KIAA1217: variants seen among roughly 807,000 people sequenced by gnomAD.
KIAA1217 encodes KIAA1217, also known as sickle tail protein homolog.
In KIAA1217, 88 loss-of-function variants were observed where a neutral mutation model predicts 163.9. That is an observed-to-expected ratio of 0.54 (90% CI 0.45 to 0.64). The LOEUF is 0.64. Ranked by LOEUF, KIAA1217 falls within the 30% of genes least tolerant of loss-of-function variation. The probability of loss-of-function intolerance (pLI) is 0.00; values close to 1 mark genes in which losing one functional copy is unlikely to be tolerated. For synonymous variants in KIAA1217, 903 were observed against 923.1 expected (o/e 0.98, Z 0.39); for missense variants, 2,372 against 2,475.0 (o/e 0.96, Z 0.88).
chr10:23,838,345 A>G (rs1054285437), intron 1 of KIAA1217, among the ~76,000 whole-genome samples: 1 of 152,248 alleles, frequency 6.6e-6, no homozygotes, highest in Non-Finnish European at 1.5e-5. Flanking sequence ...ATTTTGTTGT[A>G]AACATCCCAA....
At position 23,911,815 on chromosome 10, in the gene KIAA1217, G is replaced by A. The variant is rs1842441844; in HGVS notation, c.-320-95410G>A. Reference sequence around the variant, plus strand: ...TTCCTTCTGTATGGAGCGGTGCTTTGCAATCAGTAGGCAGGTGAGATGAGA... The same window carrying A: ...TTCCTTCTGTATGGAGCGGTGCTTTACAATCAGTAGGCAGGTGAGATGAGA... On this transcript the variant is annotated intron_variant, in intron 1 of 18. Coordinates refer to the KIAA1217 transcript ENST00000376462. Among the ~76,000 whole-genome samples the A allele has an allele frequency of 2.6e-5, 4 of 152,238 alleles. 1 individual carries two copies. The South Asian group carries it at 8.3e-4, about 32-fold the overall frequency.
chr10:24,359,635 T>C (rs757529705), intron 2 of KIAA1217, among the ~76,000 whole-genome samples: 1 of 152,204 alleles, frequency 6.6e-6, no homozygotes, highest in Non-Finnish European at 1.5e-5. Context: ...TCTTTCTCTT[T>C]CCAGAAATTA....
intron 1 of KIAA1217, among the ~76,000 whole-genome samples, chr10:23,981,634 T>C (rs7083349): frequency 0.15 from 22,968 of 152,186 alleles, 2,390 homozygotes; most frequent in East Asian, 0.46. Context: ...GAGCTTGTTA[T>C]TCAGCCTGGA....
At chr10:24,038,068 G>T (rs1848473160) in intron 2 of KIAA1217, among the ~76,000 whole-genome samples, 1 of 152,110 alleles carries the variant, frequency 6.6e-6, no homozygotes, top group African/African-American at 2.4e-5. Flanking sequence ...TTTTGTAAGG[G>T]TTTTTTGTTG....
chr10:24,395,865 A>T (rs1238896461), intron 3 of KIAA1217, among the ~76,000 whole-genome samples: 1 of 152,094 alleles, frequency 6.6e-6, no homozygotes, highest in Non-Finnish European at 1.5e-5. Flanking sequence ...TTAATTTTGT[A>T]GGGACGGGGG....
chr10:24,229,303 A>G lies in KIAA1217; in HGVS notation c.354+9394A>G, dbSNP rs553758126. On this transcript the variant is annotated intron_variant, in intron 2 of 20. Coordinates refer to ENST00000376454, the MANE Select transcript of KIAA1217 (RefSeq NM_019590.5). Reference sequence around the variant, plus strand: ...TTGTAGAAAGTGTATGTTTTGAAAAACTAGGCATGTTTTGTAAATAAATAA... The same window carrying G: ...TTGTAGAAAGTGTATGTTTTGAAAAGCTAGGCATGTTTTGTAAATAAATAA... 3.9e-5 allele frequency among the ~76,000 whole-genome samples: 6 copies of G among 152,366 alleles called. No individual in the cohort carries two copies. In the South Asian group the frequency reaches 1.2e-3, roughly 32 times the overall value.
At chr10:24,007,791 G>A (rs542894019) in intron 2 of KIAA1217, among the ~76,000 whole-genome samples, 6 of 152,254 alleles carry the variant, frequency 3.9e-5, no homozygotes, top group East Asian at 1.9e-4. Flanking sequence ...TCTATGGAGG[G>A]AATAGAATGA....
intron 2 of KIAA1217, among the ~76,000 whole-genome samples, chr10:24,351,017 G>A (rs1031241056): frequency 3.3e-5 from 5 of 151,058 alleles, no homozygotes; most frequent in East Asian, 3.9e-4. Flanking sequence ...GTGTGATCTC[G>A]GCTTACTGCA....
intron 5 of KIAA1217, among the ~76,000 whole-genome samples, chr10:24,454,242 G>C (rs542585766): frequency 6.6e-6 from 1 of 152,184 alleles, no homozygotes; most frequent in Non-Finnish European, 1.5e-5. Flanking sequence ...CAGATAAAAG[G>C]TGTGACTACC....
intron 1 of KIAA1217, among the ~76,000 whole-genome samples, chr10:23,929,697 A>G (rs968875294): frequency 2.6e-5 from 4 of 152,102 alleles, no homozygotes; most frequent in Admixed American, 6.5e-5. Context: ...TCTTTATTCA[A>G]TCCACAGTGG....
Position 24,296,085 on chromosome 10 carries a change from G to C in KIAA1217, c.354+76176G>C, listed in dbSNP as rs544086484. On this transcript the variant is annotated intron_variant, in intron 2 of 20. Coordinates refer to ENST00000376454, the MANE Select transcript of KIAA1217 (RefSeq NM_019590.5). ...TGTCAGCCCCCATCTCAGATATGTG[G>C]GATCAGAATTCACATTTTTTTTCTT... Among the ~76,000 whole-genome samples, 280 of 152,110 alleles carry C rather than the reference G, an allele frequency of 1.8e-3. 3 individuals carry two copies. The South Asian group carries it at 0.025, about 14-fold the overall frequency.
rs114203881 is a variant in KIAA1217 at position 24,176,782 on chromosome 10, C to T, written c.-170-42844C>T. The stretch of plus-strand genomic sequence containing the variant: ...ACTAGGCACCGCGGAGCGGGGGTGG[C>T]GCCCATCGGGGAGGCTCAAGCCATG... On this transcript the variant is annotated intron_variant, in intron 2 of 18. Coordinates refer to the KIAA1217 transcript ENST00000376462. Among the ~76,000 whole-genome samples the T allele has an allele frequency of 4.3e-3, 655 of 152,314 alleles. 2 individuals carry two copies. Among genetic ancestry groups the T allele is most frequent in the African/African-American group, 0.015 (613 of 41,586 alleles).
chr10:24,538,524 T>C (rs1398338189), intron 17 of KIAA1217, among the ~76,000 whole-genome samples: 2 of 110,324 alleles, frequency 1.8e-5, no homozygotes, highest in Non-Finnish European at 3.5e-5. Flanking sequence ...GAGAGAGATA[T>C]GGAGGGAGAG....
intron 1 of KIAA1217, among the ~76,000 whole-genome samples, chr10:23,857,485 C>T (rs183760146): frequency 5.9e-4 from 90 of 152,324 alleles, no homozygotes; most frequent in Admixed American, 2.0e-3. Context: ...AATTAAAACA[C>T]CTTTGTAAAT....
At chr10:24,497,631 G>A (rs2066964163) in intron 8 of KIAA1217, among the ~76,000 whole-genome samples, 1 of 151,570 alleles carries the variant, frequency 6.6e-6, no homozygotes, top group Non-Finnish European at 1.5e-5. Flanking sequence ...GAGGTGGGAA[G>A]ACTGCTTGAG....
At chr10:24,004,789 T>C (rs1250049741) in intron 1 of KIAA1217, among the ~76,000 whole-genome samples, 2 of 152,210 alleles carry the variant, frequency 1.3e-5, no homozygotes, top group Non-Finnish European at 2.9e-5. Context: ...ACTGTAGCCA[T>C]TGAGGCAAAG....
At chr10:23,940,460 CAA>C (rs760090400) in intron 1 of KIAA1217, among the ~76,000 whole-genome samples, 629 of 45,936 alleles carry the variant, frequency 0.014, no homozygotes, top group African/African-American at 0.036. Flanking sequence ...GACTCCGTCT[CAA>C]AAAAAAAAAA....
intron 1 of KIAA1217, among the ~76,000 whole-genome samples, chr10:23,776,497 T>C (rs1835013505): frequency 6.6e-6 from 1 of 151,514 alleles, no homozygotes; most frequent in African/African-American, 2.4e-5. Flanking sequence ...CAGTTGTATA[T>C]ACCATAAGGA....
At chr10:24,329,343 A>G (rs961994934) in intron 2 of KIAA1217, among the ~76,000 whole-genome samples, 1 of 151,180 alleles carries the variant, frequency 6.6e-6, no homozygotes, top group Non-Finnish European at 1.5e-5. Context: ...TAGTGTAAAT[A>G]TATACAATAT....
Sources: gnomAD v4.1 joint callset for allele counts (sites outside exome capture counted in the v4.1 genomes callset) on GRCh38, gnomAD v4.1.1 for gene constraint, MANE v1.5 for transcripts, NCBI Gene and HGNC (gene_info 2026-07-23, HGNC 2026-07-21) for gene names.